The following KIAA1328 variants were observed in gnomAD, a reference collection of about 807,000 sequenced individuals.
The protein encoded by KIAA1328 is protein hinderin.
KIAA1328 carries 52 observed loss-of-function variants against 68.1 expected under a neutral mutation model. The observed-to-expected ratio is 0.76, with a 90% confidence interval of 0.61 to 0.96. The LOEUF (loss-of-function observed/expected upper bound fraction) is 0.96, where lower values mean the gene tolerates loss of function less well. Ranked by LOEUF, KIAA1328 falls within the 40% of genes least tolerant of loss-of-function variation. The probability of loss-of-function intolerance (pLI) is 0.00; values close to 1 mark genes in which losing one functional copy is unlikely to be tolerated. For synonymous variants in KIAA1328, 232 were observed against 239.4 expected (o/e 0.97, Z 0.28); for missense variants, 641 against 677.6 (o/e 0.95, Z 0.60).
intron 9 of KIAA1328, among the ~76,000 whole-genome samples, chr18:37,201,010 C>G (rs1191188085): frequency 3.3e-5 from 5 of 152,000 alleles, no homozygotes; most frequent in African/African-American, 9.7e-5. Context: ...AGTCCCATCC[C>G]AAGTCAAGGG....
At chr18:36,896,522 A>T (rs775014963) in intron 5 of KIAA1328, among the ~76,000 whole-genome samples, 22 of 152,282 alleles carry the variant, frequency 1.4e-4, no homozygotes, top group Non-Finnish European at 2.9e-4. Flanking sequence ...ACCTGGCTCT[A>T]GTGGCTAAGG....
At chr18:37,090,414 A>G (rs967421253) in intron 7 of KIAA1328, among the ~76,000 whole-genome samples, 10 of 152,174 alleles carry the variant, frequency 6.6e-5, no homozygotes, top group Middle Eastern at 3.2e-3. Flanking sequence ...ATTAGTGGGC[A>G]TTTTTGTTTA....
chr18:36,916,112 T>C (rs2049687946), intron 5 of KIAA1328, among the ~76,000 whole-genome samples: 2 of 152,232 alleles, frequency 1.3e-5, no homozygotes, highest in African/African-American at 4.8e-5. Flanking sequence ...CATAAACATT[T>C]ATATCTTTCA....
chr18:37,124,237 T>C (rs929092738), intron 7 of KIAA1328, among the ~76,000 whole-genome samples: 9 of 152,210 alleles, frequency 5.9e-5, no homozygotes, highest in African/African-American at 1.2e-4. Context: ...TCCAAACTTA[T>C]ACCTTTCTTC....
chr18:37,154,381 G>A (rs924758172), intron 7 of KIAA1328, among the ~76,000 whole-genome samples: 3 of 152,172 alleles, frequency 2.0e-5, no homozygotes, highest in African/African-American at 7.2e-5. Flanking sequence ...TGTCACATTT[G>A]ATAAACAACA....
rs142057406 is a variant in KIAA1328 at position 37,070,516 on chromosome 18, A to G, written c.1232+2971A>G. ...TTGCTGCTTATGCATTAAGTTTGCT[A>G]TGTCTTCTTGGTAGATCGACCATCT... is the stretch of plus-strand genomic sequence containing the variant. On this transcript the variant is annotated intron_variant, in intron 7 of 9. Coordinates refer to ENST00000280020, the MANE Select transcript of KIAA1328 (RefSeq NM_020776.3). 4.0e-5 allele frequency among the ~76,000 whole-genome samples: 6 copies of G among 150,174 alleles called. No individual in the cohort carries two copies. The East Asian group carries it at 1.2e-3, about 29-fold the overall frequency.
intron 6 of KIAA1328, among the ~76,000 whole-genome samples, chr18:37,027,609 A>C (rs1307787425): frequency 6.6e-5 from 10 of 152,272 alleles, no homozygotes; most frequent in African/African-American, 2.2e-4. Flanking sequence ...CAAAAACAAG[A>C]AATGGGGAAA....
At chr18:36,927,398 A>G (rs890431075) in intron 5 of KIAA1328, among the ~76,000 whole-genome samples, 1 of 152,194 alleles carries the variant, frequency 6.6e-6, no homozygotes, top group Non-Finnish European at 1.5e-5. Flanking sequence ...GAGCAGGAAC[A>G]ATTTGGTAAT....
At chr18:37,103,352 C>T (rs117121638) in intron 7 of KIAA1328, among the ~76,000 whole-genome samples, 3,136 of 152,206 alleles carry the variant, frequency 0.021, 54 homozygotes, top group East Asian at 0.085. Context: ...AATAAATCTA[C>T]GTATTTATAG....
At chr18:37,005,750 C>A (rs1278759171) in intron 6 of KIAA1328, among the ~76,000 whole-genome samples, 1 of 151,956 alleles carries the variant, frequency 6.6e-6, no homozygotes, top group Non-Finnish European at 1.5e-5. Flanking sequence ...AGTATATCTA[C>A]AATGGAATAC....
At chr18:36,923,779 A>G (rs946368889) in intron 5 of KIAA1328, 7 of 152,238 alleles carry the variant, frequency 4.6e-5, no homozygotes, top group East Asian at 1.9e-4. Context: ...TGTACCTGTT[A>G]CATTTGCCAC....
intron 9 of KIAA1328, among the ~76,000 whole-genome samples, chr18:37,173,992 T>C (rs2059548886): frequency 6.6e-6 from 1 of 152,170 alleles, no homozygotes; most frequent in Non-Finnish European, 1.5e-5. Flanking sequence ...ATTCTGGAGC[T>C]AGAAAGGTAA....
intron 5 of KIAA1328, among the ~76,000 whole-genome samples, chr18:36,920,562 G>A (rs1290106432): frequency 6.6e-6 from 1 of 152,152 alleles, no homozygotes; most frequent in Non-Finnish European, 1.5e-5. Context: ...GAATCAATGT[G>A]GGTCTTGCAT....
intron 7 of KIAA1328, among the ~76,000 whole-genome samples, chr18:37,091,231 G>T (rs944028330): frequency 2.0e-5 from 3 of 152,162 alleles, no homozygotes; most frequent in Admixed American, 2.0e-4. Context: ...GTCAAATAGA[G>T]CTTCTTGGAG....
chr18:37,157,206 G>A (rs756095686), intron 7 of KIAA1328, among the ~76,000 whole-genome samples: 9 of 152,210 alleles, frequency 5.9e-5, no homozygotes, highest in East Asian at 1.9e-4. Flanking sequence ...TTTTCTAGAC[G>A]TTCAGCAGAC....
At chr18:37,082,526 T>A (rs1312376333) in intron 7 of KIAA1328, among the ~76,000 whole-genome samples, 3 of 152,184 alleles carry the variant, frequency 2.0e-5, no homozygotes, top group African/African-American at 7.2e-5. Flanking sequence ...ATACACAAGC[T>A]GTTGTTTATA....
At chr18:37,062,684 T>G (rs2056197894) in intron 6 of KIAA1328, among the ~76,000 whole-genome samples, 1 of 152,158 alleles carries the variant, frequency 6.6e-6, no homozygotes. Context: ...CTCGTTCTCC[T>G]GACCTCGTGA....
At chr18:36,880,758 G>C (rs942220444) in intron 4 of KIAA1328, among the ~76,000 whole-genome samples, 2 of 151,844 alleles carry the variant, frequency 1.3e-5, no homozygotes, top group African/African-American at 2.4e-5. Flanking sequence ...AGTTTCTCCT[G>C]TTCCTAGGTT....
At chr18:37,226,265 G>A (rs1329588871), downstream of KIAA1328, among the ~76,000 whole-genome samples, 1 of 150,072 alleles carries the variant, frequency 6.7e-6, no homozygotes, top group African/African-American at 2.5e-5. Context: ...AATCAGCAAC[G>A]AAAGCCCTTT....
Sources: allele counts gnomAD v4.1 joint callset (sites outside exome capture counted in the v4.1 genomes callset), GRCh38; gene constraint gnomAD v4.1.1; transcripts MANE v1.5; gene names NCBI Gene and HGNC (gene_info 2026-07-23, HGNC 2026-07-21).